The following COL4A2 variants were observed in gnomAD, a reference collection of about 807,000 sequenced individuals.
COL4A2 encodes collagen type IV alpha 2 chain.
COL4A2 carries 99 observed loss-of-function variants against 200.2 expected under a neutral mutation model. The ratio of observed to expected loss-of-function variants is 0.49; its 90% CI spans 0.42 to 0.58. COL4A2 has a LOEUF of 0.58. Among genes scored for constraint, COL4A2 ranks in the 20% least tolerant of loss-of-function variants. The pLI is 0.00. For missense variants in COL4A2, 1,950 were observed against 2,314.1 expected (o/e 0.84, Z 3.23); for synonymous variants, 897 against 900.6 (o/e 1.00, Z 0.07).
chr13:110,488,169 G>A (rs147418798), intron 34 of COL4A2, among the ~76,000 whole-genome samples: 356 of 152,254 alleles, frequency 2.3e-3, no homozygotes, highest in African/African-American at 8.2e-3. Flanking sequence ...GGGATTACAG[G>A]CGCACGCCAC....
rs550573492 is a variant in COL4A2, at chr13:110,439,718, C to T, written c.913-71C>T. Reference sequence around the variant, plus strand: ...TTTTGCTGTGATCACAGCCAGGTGCCGTAGTCAAGCCCTCTGGAAATGTCT... The same window carrying T: ...TTTTGCTGTGATCACAGCCAGGTGCTGTAGTCAAGCCCTCTGGAAATGTCT... On this transcript the variant is annotated intron_variant, in intron 15 of 47. Coordinates refer to ENST00000360467, the MANE Select transcript of COL4A2 (RefSeq NM_001846.4). 6 of 1,608,246 alleles carry T rather than the reference C, an allele frequency of 3.7e-6. No homozygotes were observed. The African/African-American group carries it at 5.3e-5, about 14-fold the overall frequency.
chr13:110,473,420 C>G, intron 29 of COL4A2: 1 of 419,230 alleles, frequency 2.4e-6, no homozygotes, highest in Non-Finnish European at 4.2e-6. Context: ...GTTGCATATG[C>G]CTGGCTGTGA....
At chr13:110,484,106 A>C (rs75520825) in intron 32 of COL4A2, among the ~76,000 whole-genome samples, 11 of 151,958 alleles carry the variant, frequency 7.2e-5, no homozygotes, top group Non-Finnish European at 1.6e-4. Context: ...AAAAAAAAAA[A>C]ATGACATTTT....
At position 110,508,240 on chromosome 13, in the gene COL4A2, GTT is replaced by G; in HGVS notation, c.4881+20_4881+21del. The G allele has an allele frequency of 1.9e-6, 3 of 1,609,370 alleles. No homozygotes were observed. The highest frequency in any genetic ancestry group is 2.6e-6 in the Non-Finnish European group (3 of 1,176,212). On this transcript the variant is annotated intron_variant, in intron 47 of 47. Coordinates refer to ENST00000360467, the MANE Select transcript of COL4A2 (RefSeq NM_001846.4). The surrounding 1 kb of genome is among the most constrained non-coding windows in gnomAD (Gnocchi z 6.1). ...CCTCATGGTATGTGGTATTTGCCCA[GTT>G]CCCCTCCCCAACCACACCCTGCTGG...
chr13:110,343,943 G>A (rs1439423455), intron 3 of COL4A2, among the ~76,000 whole-genome samples: 2 of 152,110 alleles, frequency 1.3e-5, no homozygotes, highest in South Asian at 2.1e-4. Flanking sequence ...ATTTACCTTA[G>A]ACCTATATGC....
intron 3 of COL4A2, among the ~76,000 whole-genome samples, chr13:110,311,082 T>C (rs1884968331): frequency 6.6e-6 from 1 of 152,144 alleles, no homozygotes; most frequent in African/African-American, 2.4e-5. Context: ...GTCTTGACCG[T>C]GGACTAACAG....
chr13:110,405,978 C>T (rs1019388638), intron 4 of COL4A2, among the ~76,000 whole-genome samples: 7 of 152,148 alleles, frequency 4.6e-5, no homozygotes, highest in South Asian at 4.1e-4. Flanking sequence ...GAATCCCGAT[C>T]GGGGGAAGCC....
intron 4 of COL4A2, among the ~76,000 whole-genome samples, chr13:110,387,410 A>G (rs1878798391): frequency 6.6e-6 from 1 of 152,228 alleles, no homozygotes; most frequent in African/African-American, 2.4e-5. Context: ...GAGAATTGTG[A>G]TGCCCGGACA....
chr13:110,438,927 G>A lies in COL4A2; in HGVS notation c.912+259G>A, dbSNP rs61494971. Among the ~76,000 whole-genome samples the A allele has an allele frequency of 0.02, 3,112 of 152,098 alleles. 103 individuals carry two copies. Among genetic ancestry groups the A allele is most frequent in the African/African-American group, 0.071 (2,948 of 41,432 alleles). On this transcript the variant is annotated intron_variant, in intron 15 of 47. Transcript: ENST00000360467. The stretch of plus-strand genomic sequence containing the variant: ...CACCCAGCAGCAGGTGTGCAGACGC[G>A]GCCCTCCCCGTGGAGGAGGCGCGAG...
chr13:110,307,302 C>T lies in COL4A2; in HGVS notation c.-271C>T. 2 of 356,262 alleles carry T rather than the reference C, an allele frequency of 5.6e-6. No individual in the cohort carries two copies. The highest frequency in any genetic ancestry group is 1.0e-5 in the Non-Finnish European group (2 of 199,504). 22.1% of individuals were successfully genotyped at this position (356,262 alleles called of 1,614,324 possible). ...GGCCCGGGAGTGTGGCTGCAGTGCG[C>T]CGGGACACCAGGGCTCCGCGCTCCG... On this transcript the variant is annotated 5_prime_UTR_variant, in exon 1 of 48. Transcript: ENST00000360467. The surrounding 1 kb of genome is among the most constrained non-coding windows in gnomAD (Gnocchi z 5.0).
chr13:110,344,123 A>G (rs1876594231), intron 3 of COL4A2, among the ~76,000 whole-genome samples: 1 of 152,230 alleles, frequency 6.6e-6, no homozygotes, highest in Non-Finnish European at 1.5e-5. Context: ...AACATAGCTC[A>G]TAAATATGTA....
intron 6 of COL4A2, among the ~76,000 whole-genome samples, chr13:110,427,783 C>T (rs1163743797): frequency 2.0e-5 from 3 of 152,192 alleles, no homozygotes; most frequent in Non-Finnish European, 4.4e-5. Flanking sequence ...TGCCTTTCCC[C>T]ACCCCCAGAC....
intron 31 of COL4A2, 83 bp from the exon 32 acceptor site, chr13:110,482,433 G>T: frequency 6.8e-7 from 1 of 1,465,394 alleles, no homozygotes; most frequent in South Asian, 1.2e-5. Flanking sequence ...TTACATTGCC[G>T]AAATGTTACG....
intron 22 of COL4A2, chr13:110,461,912 C>G: frequency 1.5e-6 from 1 of 667,658 alleles, no homozygotes; most frequent in African/African-American, 1.8e-5. Flanking sequence ...CAGTGCTCCA[C>G]AGCCACTGTG....
chr13:110,452,877 C>G (rs796265116), intron 20 of COL4A2, among the ~76,000 whole-genome samples: 3 of 152,250 alleles, frequency 2.0e-5, no homozygotes, highest in African/African-American at 7.2e-5. Flanking sequence ...ATCTTCCCAC[C>G]TCAGCCTCTT....
At chr13:110,469,876 G>A (rs1193578564) in intron 28 of COL4A2, among the ~76,000 whole-genome samples, 1 of 150,042 alleles carries the variant, frequency 6.7e-6, no homozygotes, top group African/African-American at 2.5e-5. Context: ...GAGTGTGATG[G>A]CACTGCCTTG....
chr13:110,370,146 T>A (rs1877939313), intron 4 of COL4A2, among the ~76,000 whole-genome samples: 1 of 151,556 alleles, frequency 6.6e-6, no homozygotes, highest in South Asian at 2.1e-4. Context: ...ATCACATCAC[T>A]CTCTTTTACC....
At chr13:110,359,008 A>G (rs929256363) in intron 4 of COL4A2, among the ~76,000 whole-genome samples, 6 of 152,240 alleles carry the variant, frequency 3.9e-5, no homozygotes, top group African/African-American at 1.4e-4. Context: ...CAGAAATGTC[A>G]TAAAAATATT....
intron 4 of COL4A2, among the ~76,000 whole-genome samples, chr13:110,361,002 G>A (rs1051359866): frequency 5.9e-5 from 9 of 152,376 alleles, no homozygotes; most frequent in African/African-American, 1.7e-4. Context: ...TAATTCAGGT[G>A]AGACCCTGAA....
Sources: allele counts gnomAD v4.1 joint callset (sites outside exome capture counted in the v4.1 genomes callset), GRCh38; gene constraint gnomAD v4.1.1; non-coding constraint Gnocchi (gnomAD v3.1); transcripts MANE v1.5; gene names NCBI Gene and HGNC (gene_info 2026-07-23, HGNC 2026-07-21).